The following RNLS variants were observed in gnomAD, a reference collection of about 807,000 sequenced individuals.
The protein encoded by RNLS is renalase, FAD dependent amine oxidase.
In RNLS, 39 loss-of-function variants were observed where a neutral mutation model predicts 39.8. The observed-to-expected ratio is 0.98, with a 90% CI of 0.76 to 1.28. The LOEUF is 1.28. RNLS is among the 50% of genes most tolerant of loss of function. RNLS has a pLI of 0.00. For synonymous variants in RNLS, 147 were observed against 150.7 expected (o/e 0.98, Z 0.18); for missense variants, 410 against 413.3 (o/e 0.99, Z 0.07).
chr10:88,312,595 T>C (rs10509543), intron 6 of RNLS, among the ~76,000 whole-genome samples: 35,338 of 152,084 alleles, frequency 0.23, 4,665 homozygotes, highest in South Asian at 0.28. Context: ...GCTGTGGGGA[T>C]TGAAGGAAGT....
chr10:88,174,169 A>G, the RNLS span, among the ~76,000 whole-genome samples: 5 of 152,062 alleles, frequency 3.3e-5, no homozygotes, highest in Non-Finnish European at 7.4e-5. Context: ...AATTTTTTTA[A>G]TATGTAAGAT....
intron 4 of RNLS, among the ~76,000 whole-genome samples, chr10:88,401,362 T>C (rs1435653334): frequency 1.3e-5 from 2 of 152,054 alleles, no homozygotes; most frequent in Non-Finnish European, 2.9e-5. Context: ...TAGAAAACAT[T>C]GGACTAGTTG....
At position 88,529,143 on chromosome 10, in the gene RNLS, C is replaced by T. The variant is rs117508418; in HGVS notation, c.526+43760G>A. 7.2e-3 allele frequency among the ~76,000 whole-genome samples: 1,093 copies of T among 152,230 alleles called. 6 individuals carry two copies. Among genetic ancestry groups the T allele is most frequent in the Non-Finnish European group, 0.012 (805 of 68,020 alleles). ...ATAATTTTCTCTAAAAAATCTCCAT[C>T]CCTCCTCCCACTCCTCAGTCCTCTA... On this transcript the variant is annotated intron_variant, in intron 4 of 6. Transcript: ENST00000331772.
the RNLS span, among the ~76,000 whole-genome samples, chr10:88,182,219 A>G: frequency 6.6e-6 from 1 of 152,104 alleles, no homozygotes; most frequent in Admixed American, 6.6e-5. Context: ...AAAAGTGTTG[A>G]TTGGGAGGCA....
chr10:88,203,659 G>A, the RNLS span, among the ~76,000 whole-genome samples: 1 of 150,094 alleles, frequency 6.7e-6, no homozygotes, highest in East Asian at 1.9e-4. Flanking sequence ...ATTTTCAGTG[G>A]CTCTCCAAGT....
the RNLS span, among the ~76,000 whole-genome samples, chr10:88,177,949 T>A: frequency 6.6e-6 from 1 of 152,160 alleles, no homozygotes; most frequent in South Asian, 2.1e-4. Flanking sequence ...GTAGCACATG[T>A]GGGCATGCAG....
chr10:88,314,484 T>C lies in RNLS; in HGVS notation c.858A>G (p.Gln286=). 1 of 1,613,954 alleles carries C rather than the reference T, an allele frequency of 6.2e-7. No homozygotes were observed. The highest frequency in any genetic ancestry group is 1.1e-5 in the South Asian group (1 of 91,070). Residue 286 remains glutamine, a synonymous_variant, in exon 6 of 7, where the codon CAA becomes CAG. Coordinates refer to ENST00000331772, the MANE Select transcript of RNLS (RefSeq NM_001031709.3). ...TGATTACCTGTGAATGTCTCCATTT[T>C]TGGCATTTGGTAGCAATTGGCTGAG... ...GLPQPIATKC[Q]KWRHSQVTNA...
chr10:88,257,369 ATC>A, the RNLS span, among the ~76,000 whole-genome samples: 1 of 152,206 alleles, frequency 6.6e-6, no homozygotes, highest in Non-Finnish European at 1.5e-5. Flanking sequence ...CCAGATTCAT[ATC>A]AGGACAATAT....
chr10:88,575,571 T>A (rs1163643310), intron 3 of RNLS, among the ~76,000 whole-genome samples: 1 of 152,094 alleles, frequency 6.6e-6, no homozygotes, highest in African/African-American at 2.4e-5. Context: ...GCCTCTCTTA[T>A]TAACCAGAAA....
chr10:88,266,722 CACACACACACACA>C, the RNLS span, among the ~76,000 whole-genome samples: 1 of 151,222 alleles, frequency 6.6e-6, no homozygotes, highest in African/African-American at 2.4e-5. Flanking sequence ...CACACACACA[CACACACACACACA>C]CCCCACACAC....
chr10:88,301,036 C>T (rs1042750617), intron 6 of RNLS, among the ~76,000 whole-genome samples: 2 of 152,088 alleles, frequency 1.3e-5, no homozygotes, highest in Non-Finnish European at 1.5e-5. Flanking sequence ...GACACAGACT[C>T]CTTTTTAAAG....
chr10:88,517,536 GA>G (rs1017190514), intron 4 of RNLS, among the ~76,000 whole-genome samples: 19 of 151,806 alleles, frequency 1.3e-4, no homozygotes, highest in Non-Finnish European at 2.7e-4. Flanking sequence ...TATGAACTGA[GA>G]AAAATGGCCT....
chr10:88,215,208 T>G, the RNLS span, among the ~76,000 whole-genome samples: 1 of 151,980 alleles, frequency 6.6e-6, no homozygotes, highest in African/African-American at 2.4e-5. Context: ...GTAGTTATAC[T>G]AATAATGGCT....
At chr10:88,463,721 T>C (rs1017144858) in intron 4 of RNLS, among the ~76,000 whole-genome samples, 3 of 152,014 alleles carry the variant, frequency 2.0e-5, no homozygotes, top group African/African-American at 7.2e-5. Flanking sequence ...AATAAATAAT[T>C]TTTTTCAATG....
intron 4 of RNLS, among the ~76,000 whole-genome samples, chr10:88,441,889 T>C (rs1564801590): frequency 6.6e-6 from 1 of 152,208 alleles, no homozygotes; most frequent in Non-Finnish European, 1.5e-5. Flanking sequence ...CTAGCTGTGA[T>C]GCCTTCCTTT....
At chr10:88,396,418 A>T (rs142924214) in intron 4 of RNLS, among the ~76,000 whole-genome samples, 1,547 of 151,832 alleles carry the variant, frequency 0.01, 9 homozygotes, top group Middle Eastern at 0.017. Flanking sequence ...ATTGTTGTAA[A>T]TTAAGATATT....
chr10:88,474,206 A>G (rs373887563), intron 4 of RNLS, among the ~76,000 whole-genome samples: 53 of 151,260 alleles, frequency 3.5e-4, no homozygotes, highest in African/African-American at 9.7e-4. Flanking sequence ...AATTGAGCAG[A>G]AAAAAAAACA....
chr10:88,352,292 A>C (rs1374111103), intron 5 of RNLS, among the ~76,000 whole-genome samples: 6 of 152,182 alleles, frequency 3.9e-5, no homozygotes, highest in Non-Finnish European at 5.9e-5. Context: ...TTCAAAGGGA[A>C]TGCTTCCAGT....
intron 4 of RNLS, among the ~76,000 whole-genome samples, chr10:88,365,516 A>AACACAC (rs61386966): frequency 3.3e-3 from 477 of 145,902 alleles, no homozygotes; most frequent in Non-Finnish European, 4.4e-3. Flanking sequence ...AGGATTATAT[A>AACACAC]ACACACACAC....
Sources: allele counts gnomAD v4.1 joint callset (sites outside exome capture counted in the v4.1 genomes callset), GRCh38; gene constraint gnomAD v4.1.1; transcripts MANE v1.5; gene names NCBI Gene and HGNC (gene_info 2026-07-23, HGNC 2026-07-21).